The following NOC2L variants were observed in gnomAD, a reference collection of about 807,000 sequenced individuals.
The protein encoded by NOC2L is NOC2 like nucleolar associated transcriptional repressor, also known as nucleolar complex protein 2 homolog.
In NOC2L, 101 loss-of-function variants were observed where a neutral mutation model predicts 94.2. The ratio of observed to expected loss-of-function variants is 1.07; its 90% CI spans 0.91 to 1.26. The LOEUF (loss-of-function observed/expected upper bound fraction) is 1.26. Ranked by LOEUF, NOC2L falls within the 50% of genes most tolerant of loss-of-function variation. The probability of loss-of-function intolerance (pLI) is 0.00; values close to 1 mark genes in which losing one functional copy is unlikely to be tolerated. For synonymous variants in NOC2L, 531 were observed against 413.4 expected (o/e 1.28, Z -3.45); for missense variants, 1,076 against 980.1 (o/e 1.10, Z -1.31).
At chr1:946,724 C>T (rs547359731) in intron 14 of NOC2L, 179 bp from the exon 15 acceptor site, 29 of 709,062 alleles carry the variant, frequency 4.1e-5, no homozygotes, top group African/African-American at 3.4e-4. Context: ...CAGAATCAGC[C>T]CACCCTCTGG....
intron 6 of NOC2L, among the ~76,000 whole-genome samples, chr1:955,495 G>A (rs1393685602): frequency 1.3e-5 from 2 of 152,192 alleles, no homozygotes; most frequent in East Asian, 3.9e-4. Context: ...GGAAGTTGAG[G>A]CCCTCAGGTT....
At chr1:958,638 T>C in intron 2 of NOC2L, 1 of 624,742 alleles carries the variant, frequency 1.6e-6, no homozygotes, top group Non-Finnish European at 3.0e-6. Context: ...CACTTATCTC[T>C]CTTCTACCGA....
rs747611760 is a variant in NOC2L, at chr1:945,668, A to C, written c.1918-15T>G. 9 of 1,613,974 alleles carry C rather than the reference A, an allele frequency of 5.6e-6. No homozygotes were observed. The East Asian group carries it at 2.0e-4, about 36-fold the overall frequency. ...AGGTCTTCCAGCTGGAAGGCCAAAGAACCAGGGGCTCAGGTGAGAGAGGGC... is the reference window on the plus strand; with the variant it reads ...AGGTCTTCCAGCTGGAAGGCCAAAGCACCAGGGGCTCAGGTGAGAGAGGGC... On this transcript the variant is annotated splice_polypyrimidine_tract_variant and intron_variant, in intron 16 of 18. Coordinates refer to ENST00000327044, the MANE Select transcript of NOC2L (RefSeq NM_015658.4).
chr1:946,734 G>C lies in NOC2L; in HGVS notation c.1660-189C>G. On this transcript the variant is annotated intron_variant, in intron 14 of 18. Coordinates refer to ENST00000327044, the MANE Select transcript of NOC2L (RefSeq NM_015658.4). ...AGAGGCAGAATCAGCCCACCCTCTG[G>C]GCCAACCCTGCCCACTACTCACCTC... 5 of 638,950 alleles carry C rather than the reference G, an allele frequency of 7.8e-6. No homozygotes were observed. The South Asian group carries it at 9.8e-5, about 12-fold the overall frequency. 39.6% of individuals were successfully genotyped at this position (638,950 alleles called of 1,614,324 possible).
At chr1:957,367 T>G in intron 2 of NOC2L, 94 bp from the exon 3 acceptor site, 1 of 1,188,864 alleles carries the variant, frequency 8.4e-7, no homozygotes, top group Non-Finnish European at 1.2e-6. Flanking sequence ...TCACAAGGGT[T>G]ACCAACTAGC....
chr1:945,277 G>T, intron 17 of NOC2L, 131 bp from the exon 18 acceptor site: 1 of 1,220,020 alleles, frequency 8.2e-7, no homozygotes, highest in Non-Finnish European at 1.1e-6. Context: ...GTGGAGAGGA[G>T]CCCTGGGGAG....
chr1:945,304 G>C (rs981960777), intron 17 of NOC2L, 158 bp from the exon 18 acceptor site: 73 of 1,038,522 alleles, frequency 7.0e-5, no homozygotes, highest in Middle Eastern at 2.9e-4. Context: ...GGAGGTCACA[G>C]GCCTGGGGAC....
At chr1:946,607 G>A (rs562211449) in intron 14 of NOC2L, 62 bp from the exon 15 acceptor site, 11 of 1,578,188 alleles carry the variant, frequency 7.0e-6, no homozygotes, top group South Asian at 3.5e-5. Flanking sequence ...AGCTGGCCCA[G>A]GTCCTGTGCA....
In NOC2L at chr1:955,904, T is replaced by TCCCCCC; in HGVS notation, c.698+18_698+19insGGGGGG. 1 of 1,499,486 alleles carries TCCCCCC rather than the reference T, an allele frequency of 6.7e-7. No homozygotes were observed. Among genetic ancestry groups the TCCCCCC allele is most frequent in the Non-Finnish European group, 9.3e-7 (1 of 1,079,338 alleles). 92.9% of individuals were successfully genotyped at this position (1,499,486 alleles called of 1,614,324 possible). On this transcript the variant is annotated intron_variant, in intron 6 of 18. Transcript: ENST00000327044. ...GACCCACCTTCCACCCTACCCCCCT[T>TCCCCCC]CACCCCCTCCCCTCTTACCTGCTGC...
In NOC2L at chr1:956,082, C is replaced by T. The variant is rs1642393169; in HGVS notation, c.607+13G>A. On this transcript the variant is annotated intron_variant, in intron 5 of 18. Transcript: ENST00000327044. ...AACAGACAGCCTGGATGCCAGGCTC[C>T]CCCCAAGCTCACCAGCACTGTCCGT... The T allele has an allele frequency of 1.2e-6, 2 of 1,613,920 alleles. No homozygotes were observed. The highest frequency in any genetic ancestry group is 2.7e-5 in the African/African-American group (2 of 74,904).
intron 16 of NOC2L, among the ~76,000 whole-genome samples, chr1:945,888 AC>A (rs1294220250): frequency 2.0e-5 from 3 of 152,172 alleles, no homozygotes; most frequent in Non-Finnish European, 4.4e-5. Context: ...GGCCTGGGTG[AC>A]GAGGTCAGTC....
intron 10 of NOC2L, 128 bp from the exon 11 acceptor site, chr1:952,267 C>T: frequency 7.1e-7 from 1 of 1,400,924 alleles, no homozygotes; most frequent in Non-Finnish European, 9.9e-7. Flanking sequence ...CCACCCTTCC[C>T]CCACCTGCAA....
At chr1:955,454 C>T (rs1211532765) in intron 6 of NOC2L, among the ~76,000 whole-genome samples, 4 of 152,230 alleles carry the variant, frequency 2.6e-5, no homozygotes, top group African/African-American at 4.8e-5. Context: ...AAACCTTCCA[C>T]GGCCTTCTCT....
At position 944,250 on chromosome 1, in the gene NOC2L, G is replaced by C; in HGVS notation, c.*444C>G. On this transcript the variant is annotated 3_prime_UTR_variant, in exon 19 of 19. Transcript: ENST00000327044. ...CACCGCTTTATTTCTTTCGGTTTCGGATGCAAAACAAAAAATTTTAAAAGA... is the reference window on the plus strand; with the variant it reads ...CACCGCTTTATTTCTTTCGGTTTCGCATGCAAAACAAAAAATTTTAAAAGA... 1 of 1,454,454 alleles carries C rather than the reference G, an allele frequency of 6.9e-7. No homozygotes were observed. The highest frequency in any genetic ancestry group is 9.1e-7 in the Non-Finnish European group (1 of 1,104,804). The allele number at this position is 1,454,454 out of a possible 1,614,324, so 90.1% of individuals were successfully genotyped here.
intron 2 of NOC2L, chr1:958,649 A>G (rs1315650303): frequency 4.7e-6 from 3 of 639,684 alleles, no homozygotes; most frequent in Non-Finnish European, 8.7e-6. Context: ...CTTCTACCGA[A>G]CTGCAGGCGG....
At chr1:957,478 G>C in intron 2 of NOC2L, 1 of 584,462 alleles carries the variant, frequency 1.7e-6, no homozygotes, top group South Asian at 2.0e-5. Context: ...CCCCCCAGCC[G>C]CGGTCTTCCC....
rs942709926 is a variant in NOC2L at position 945,517 on chromosome 1, C to A, written c.2053+1G>T. 1 of 1,613,656 alleles carries A rather than the reference C, an allele frequency of 6.2e-7. No individual in the cohort carries two copies. The highest frequency in any genetic ancestry group is 8.5e-7 in the Non-Finnish European group (1 of 1,179,806). On this transcript the variant is annotated splice_donor_variant, in intron 17 of 18. Coordinates refer to ENST00000327044, the MANE Select transcript of NOC2L (RefSeq NM_015658.4). LOFTEE classifies it high-confidence loss of function. ...CCCTGGGAGCACCACGCAGGCCCCACCTCTCTCCGAGAATCCCTCGGTGTC... is the reference window on the plus strand; with the variant it reads ...CCCTGGGAGCACCACGCAGGCCCCAACTCTCTCCGAGAATCCCTCGGTGTC...
Position 957,301 on chromosome 1 carries a change from G to A in NOC2L, c.180-28C>T, listed in dbSNP as rs1319914783. On this transcript the variant is annotated intron_variant, in intron 2 of 18. Coordinates refer to ENST00000327044, the MANE Select transcript of NOC2L (RefSeq NM_015658.4). ...GAGGAGGCAGAAGTCAGCGACCCCA[G>A]TGGGAAGTGGAAGTAGAGGGGGCGG... The A allele has an allele frequency of 2.5e-6, 4 of 1,609,970 alleles. No individual in the cohort carries two copies. In the African/African-American group the frequency reaches 5.3e-5, roughly 21 times the overall value.
Position 956,182 on chromosome 1 carries a change from C to G in NOC2L, c.520G>C (p.Val174Leu). The G allele has an allele frequency of 6.2e-7, 1 of 1,613,922 alleles. No homozygotes were observed. Among genetic ancestry groups the G allele is most frequent in the Non-Finnish European group, 8.5e-7 (1 of 1,180,010 alleles). The change falls in exon 5 of 19, where the codon GTA becomes CTA. Residue 174 changes from valine to leucine, a missense_variant. By Grantham distance (32) the Val-to-Leu change is conservative. Transcript: ENST00000327044. ...GCCACAGCTGCTCGGAACGCCTGTA[C>G]CACTTCATGGAACAGCTTTGGAGTG... ...RLTPKLFHEV[V>L]QAFRAAVATT... is the part of the protein sequence containing the mutation.
Sources: allele counts gnomAD v4.1 joint callset (sites outside exome capture counted in the v4.1 genomes callset), GRCh38; gene constraint gnomAD v4.1.1; transcripts MANE v1.5; gene names NCBI Gene and HGNC (gene_info 2026-07-23, HGNC 2026-07-21).